The following KLRG1 variants were observed in gnomAD, a reference collection of about 807,000 sequenced individuals.
The protein encoded by KLRG1 is killer cell lectin like receptor G1.
In KLRG1, 16 loss-of-function variants were observed where a neutral mutation model predicts 21.8. That is an observed-to-expected ratio of 0.73 (90% CI 0.50 to 1.11). KLRG1 has a LOEUF of 1.11. Among genes scored for constraint, KLRG1 ranks in the 50% most tolerant of loss-of-function variants. KLRG1 has a pLI of 0.00. For missense variants in KLRG1, 173 were observed against 218.3 expected (o/e 0.79, Z 1.31); for synonymous variants, 69 against 75.9 (o/e 0.91, Z 0.47).
At chr12:8,974,077 T>C (rs1477879098) in intron 1 of KLRG1, among the ~76,000 whole-genome samples, 2 of 152,214 alleles carry the variant, frequency 1.3e-5, no homozygotes, top group Non-Finnish European at 2.9e-5. Context: ...TCCAGCACTA[T>C]GTTGAATGGA....
At chr12:9,095,601 T>C in the KLRG1 span, 2 of 1,612,156 alleles carry the variant, frequency 1.2e-6, no homozygotes, top group East Asian at 4.5e-5. Flanking sequence ...GTGATTCCAT[T>C]AATATAGACA....
chr12:9,101,335 A>T, the KLRG1 span: 1 of 1,349,534 alleles, frequency 7.4e-7, no homozygotes, highest in East Asian at 2.5e-5. Context: ...AAACTTTCAA[A>T]AGGAACATGG....
At chr12:9,019,659 C>T in the KLRG1 span, among the ~76,000 whole-genome samples, 2 of 152,164 alleles carry the variant, frequency 1.3e-5, no homozygotes, top group Non-Finnish European at 2.9e-5. Flanking sequence ...CTTATATATC[C>T]GTACTCCCAT....
chr12:9,161,835 G>A, the KLRG1 span, among the ~76,000 whole-genome samples: 11 of 152,038 alleles, frequency 7.2e-5, no homozygotes, highest in South Asian at 2.1e-4. Flanking sequence ...TTTTCTACAC[G>A]GAAAACACAC....
chr12:9,192,131 C>A, the KLRG1 span: 1 of 1,389,202 alleles, frequency 7.2e-7, no homozygotes, highest in South Asian at 1.2e-5. Flanking sequence ...TATGAACTGT[C>A]ACCGAGGGAA....
the KLRG1 span, chr12:9,068,765 CA>C: frequency 6.2e-7 from 1 of 1,607,572 alleles, no homozygotes; most frequent in South Asian, 1.1e-5. Flanking sequence ...CATAGACTTT[CA>C]CTATGGCTGG....
chr12:9,152,096 G>C, the KLRG1 span: 1 of 772,424 alleles, frequency 1.3e-6, no homozygotes, highest in Non-Finnish European at 2.2e-6. Flanking sequence ...TACTTCCTGG[G>C]TTTGGGAAAA....
chr12:9,115,731 G>A, the KLRG1 span: 11 of 1,542,194 alleles, frequency 7.1e-6, no homozygotes, highest in East Asian at 4.5e-5. Flanking sequence ...AGGACTCTAG[G>A]TTCATGCTTC....
the KLRG1 span, chr12:9,068,208 A>G: frequency 6.2e-7 from 1 of 1,611,212 alleles, no homozygotes; most frequent in East Asian, 2.2e-5. Context: ...CATTGTACTC[A>G]GCAATTGCAA....
At chr12:9,063,345 A>C in the KLRG1 span, among the ~76,000 whole-genome samples, 1 of 152,190 alleles carries the variant, frequency 6.6e-6, no homozygotes. Flanking sequence ...AAATGGGGGA[A>C]TATAGGGTTA....
intron 1 of KLRG1, among the ~76,000 whole-genome samples, chr12:8,969,591 G>GCAAA (rs1946534797): frequency 6.6e-6 from 1 of 152,030 alleles, no homozygotes; most frequent in Non-Finnish European, 1.5e-5. Flanking sequence ...ATGAGAGGAA[G>GCAAA]AGGAGGAAAT....
At chr12:8,989,834 A>C in intron 1 of KLRG1, 117 bp downstream of exon 1, 3 of 652,468 alleles carry the variant, frequency 4.6e-6, no homozygotes, top group Admixed American at 2.8e-5. Flanking sequence ...AATTTGAGGA[A>C]ATACTTTTGG....
At chr12:9,112,422 C>A in the KLRG1 span, 1 of 1,613,954 alleles carries the variant, frequency 6.2e-7, no homozygotes, top group Non-Finnish European at 8.5e-7. Flanking sequence ...TGGACAAAGA[C>A]CAGACTGTCC....
the KLRG1 span, chr12:9,079,807 A>G: frequency 1.2e-6 from 2 of 1,606,620 alleles, no homozygotes; most frequent in Non-Finnish European, 1.7e-6. Context: ...GCAGAGCCTA[A>G]TATGTCTCCT....
the KLRG1 span, among the ~76,000 whole-genome samples, chr12:9,100,415 T>A: frequency 6.6e-6 from 1 of 152,036 alleles, no homozygotes; most frequent in African/African-American, 2.4e-5. Context: ...ATTTTATTTT[T>A]CCCCCTTTGT....
At chr12:8,966,346 A>T (rs1175085034) in intron 1 of KLRG1, among the ~76,000 whole-genome samples, 1 of 152,158 alleles carries the variant, frequency 6.6e-6, no homozygotes, top group Non-Finnish European at 1.5e-5. Context: ...ATGGGATCTA[A>T]TTAAACTAAA....
At chr12:8,960,441 C>G (rs751923888) in intron 1 of KLRG1, among the ~76,000 whole-genome samples, 1 of 152,172 alleles carries the variant, frequency 6.6e-6, no homozygotes, top group Admixed American at 6.5e-5. Context: ...TCACACAGTG[C>G]TAGGAATAGT....
chr12:9,161,176 G>T, the KLRG1 span: 1 of 1,353,262 alleles, frequency 7.4e-7, no homozygotes, highest in Non-Finnish European at 1.0e-6. Context: ...ATAATTTAGT[G>T]ATTATAATGT....
At chr12:9,171,701 G>A in the KLRG1 span, among the ~76,000 whole-genome samples, 37 of 152,176 alleles carry the variant, frequency 2.4e-4, no homozygotes, top group Middle Eastern at 3.2e-3. Context: ...GCAATCACAA[G>A]TATCAGTAGC....
Sources: allele counts gnomAD v4.1 joint callset (sites outside exome capture counted in the v4.1 genomes callset), GRCh38; gene constraint gnomAD v4.1.1; transcripts MANE v1.5; gene names NCBI Gene and HGNC (gene_info 2026-07-23, HGNC 2026-07-21).